GALNT17: variants seen among roughly 807,000 people sequenced by gnomAD.
GALNT17 encodes the protein polypeptide N-acetylgalactosaminyltransferase 17, also known as UDP-GalNAc:polypeptide N-acetylgalactosaminyltransferase-like 3.
Under a neutral mutation model 63.7 loss-of-function variants are expected in GALNT17, and 29 were observed. That is an observed-to-expected ratio of 0.46 (90% confidence interval 0.34 to 0.62). GALNT17 has a LOEUF of 0.62. Among genes scored for constraint, GALNT17 ranks in the 20% least tolerant of loss-of-function variants. GALNT17 has a pLI of 0.01. For synonymous variants in GALNT17, 305 were observed against 318.3 expected (o/e 0.96, Z 0.45); for missense variants, 603 against 799.6 (o/e 0.75, Z 2.97).
chr7:71,185,453 C>T (rs1788831740), intron 1 of GALNT17, among the ~76,000 whole-genome samples: 1 of 151,744 alleles, frequency 6.6e-6, no homozygotes, highest in African/African-American at 2.4e-5. Flanking sequence ...CTGCCTTGGC[C>T]TCCCAAAGTG....
chr7:71,321,037 G>T (rs953929762), intron 1 of GALNT17, among the ~76,000 whole-genome samples: 1 of 152,192 alleles, frequency 6.6e-6, no homozygotes, highest in African/African-American at 2.4e-5. Context: ...GTGGAGGAGA[G>T]AGAATTTTCT....
chr7:71,186,314 A>G (rs1788850270), intron 1 of GALNT17, among the ~76,000 whole-genome samples: 1 of 152,210 alleles, frequency 6.6e-6, no homozygotes, highest in African/African-American at 2.4e-5. Context: ...TTCAGAAGCT[A>G]GGAATCAGAT....
chr7:71,373,516 A>G (rs966775059), intron 2 of GALNT17, among the ~76,000 whole-genome samples: 2 of 152,066 alleles, frequency 1.3e-5, no homozygotes, highest in Admixed American at 1.3e-4. Context: ...GCCTGATAGG[A>G]ACTGGGCCGA....
In GALNT17 at chr7:71,194,419, G is replaced by A. The variant is rs141780641; in HGVS notation, c.238+61379G>A. Among the ~76,000 whole-genome samples the A allele has an allele frequency of 2.3e-3, 351 of 152,300 alleles. 3 individuals carry two copies. Among genetic ancestry groups the A allele is most frequent in the African/African-American group, 8.2e-3 (342 of 41,564 alleles). ...AGGGTATATGGGATCTTAAGAAAAG[G>A]GTAGGGGAGTTAGAGCATCATGGTC... On this transcript the variant is annotated intron_variant, in intron 1 of 10. Transcript: ENST00000333538.
chr7:71,701,483 T>G (rs936237353), intron 9 of GALNT17, among the ~76,000 whole-genome samples: 2 of 149,986 alleles, frequency 1.3e-5, no homozygotes, highest in African/African-American at 4.9e-5. Flanking sequence ...TGAGACTCTA[T>G]CTCAAAAAAG....
rs545276338 is a variant in GALNT17 at position 71,460,274 on chromosome 7, G to A, written c.962+39169G>A. Among the ~76,000 whole-genome samples, 15 of 152,188 alleles carry A rather than the reference G, an allele frequency of 9.9e-5. 1 individual carries two copies. The East Asian group carries it at 2.7e-3, about 27-fold the overall frequency. ...TGAAATAGACAAGGATGGCAGCATT[G>A]GACCATAGGAGTGGGAGGGAAAAGT... On this transcript the variant is annotated intron_variant, in intron 5 of 10. Transcript: ENST00000333538.
At chr7:71,226,195 T>G (rs1422732665) in intron 1 of GALNT17, among the ~76,000 whole-genome samples, 1 of 152,198 alleles carries the variant, frequency 6.6e-6, no homozygotes, top group Non-Finnish European at 1.5e-5. Flanking sequence ...AACTTCAATT[T>G]TGGAACAATG....
At position 71,139,411 on chromosome 7, in the gene GALNT17, T is replaced by C. The variant is rs114177186; in HGVS notation, c.238+6371T>C. On this transcript the variant is annotated intron_variant, in intron 1 of 10. Coordinates refer to ENST00000333538, the MANE Select transcript of GALNT17 (RefSeq NM_022479.3). The stretch of plus-strand genomic sequence containing the variant: ...AAGAAGAAATGCAATCGATTCAACT[T>C]AGTTACCAAATTTAGATTTCAGAAG... Among the ~76,000 whole-genome samples the C allele has an allele frequency of 6.0e-3, 912 of 152,276 alleles. 11 individuals carry two copies. Among genetic ancestry groups the C allele is most frequent in the African/African-American group, 0.021 (891 of 41,552 alleles).
At chr7:71,282,551 C>CCT (rs1428572601) in intron 1 of GALNT17, among the ~76,000 whole-genome samples, 3 of 152,174 alleles carry the variant, frequency 2.0e-5, no homozygotes, top group African/African-American at 7.2e-5. Flanking sequence ...CCTGTTTAGA[C>CCT]AACCAGTGTG....
chr7:71,372,042 G>T (rs1323403737), intron 2 of GALNT17, among the ~76,000 whole-genome samples: 2 of 152,190 alleles, frequency 1.3e-5, no homozygotes, highest in African/African-American at 4.8e-5. Context: ...GTGCAGTGGT[G>T]CCATCATAGC....
intron 5 of GALNT17, among the ~76,000 whole-genome samples, chr7:71,431,312 G>A: frequency 6.8e-6 from 1 of 147,540 alleles, no homozygotes; most frequent in East Asian, 2.0e-4. Flanking sequence ...CCGGGTTCAA[G>A]TGATTCTCCC....
chr7:71,375,887 G>C (rs563581924), intron 2 of GALNT17, among the ~76,000 whole-genome samples: 1 of 152,282 alleles, frequency 6.6e-6, no homozygotes, highest in African/African-American at 2.4e-5. Flanking sequence ...CGACCAGCCT[G>C]AACAACATGG....
chr7:71,652,298 G>A (rs893142534), intron 6 of GALNT17, among the ~76,000 whole-genome samples: 1 of 152,026 alleles, frequency 6.6e-6, no homozygotes, highest in Non-Finnish European at 1.5e-5. Context: ...GTCCATATTT[G>A]TCAATCCCAT....
chr7:71,646,257 A>G (rs1381318693), intron 6 of GALNT17, among the ~76,000 whole-genome samples: 6 of 152,208 alleles, frequency 3.9e-5, no homozygotes, highest in Non-Finnish European at 8.8e-5. Context: ...AATTTAATTG[A>G]TTTTATTTGC....
chr7:71,471,399 CAA>C lies in GALNT17; in HGVS notation c.962+50308_962+50309del, dbSNP rs35529889. 1.1e-3 allele frequency among the ~76,000 whole-genome samples: 98 copies of C among 89,592 alleles called. No individual in the cohort carries two copies. The South Asian group carries it at 0.027, about 25-fold the overall frequency. 58.8% of individuals were successfully genotyped at this position (89,592 alleles called of 152,430 possible). The stretch of plus-strand genomic sequence containing the variant: ...GGCTGAGCTCAGCATTTTTTTTTTC[CAA>C]AAAAAAAAAAAAACAAAAAAAACCA... On this transcript the variant is annotated intron_variant, in intron 5 of 10. Transcript: ENST00000333538.
intron 3 of GALNT17, among the ~76,000 whole-genome samples, chr7:71,404,781 G>C (rs941270731): frequency 1.3e-5 from 2 of 152,178 alleles, no homozygotes; most frequent in Non-Finnish European, 2.9e-5. Context: ...AGATTCCCTG[G>C]ATGCCCACTC....
chr7:71,305,321 G>A (rs1265579877), intron 1 of GALNT17, among the ~76,000 whole-genome samples: 1 of 152,132 alleles, frequency 6.6e-6, no homozygotes, highest in East Asian at 1.9e-4. Flanking sequence ...TCTTCAGTTA[G>A]CAGATTTTTA....
intron 9 of GALNT17, among the ~76,000 whole-genome samples, chr7:71,682,782 C>G (rs1458750147): frequency 6.6e-6 from 1 of 152,148 alleles, no homozygotes; most frequent in East Asian, 1.9e-4. Flanking sequence ...GAAGTCCTGA[C>G]CTCTGGAACT....
intron 1 of GALNT17, among the ~76,000 whole-genome samples, chr7:71,263,473 A>G (rs1325418224): frequency 6.6e-6 from 1 of 152,198 alleles, no homozygotes; most frequent in Non-Finnish European, 1.5e-5. Flanking sequence ...AGTCTGTGCA[A>G]TTTTGTTATG....
Sources: gnomAD v4.1 joint callset for allele counts (sites outside exome capture counted in the v4.1 genomes callset) on GRCh38, gnomAD v4.1.1 for gene constraint, MANE v1.5 for transcripts, NCBI Gene and HGNC (gene_info 2026-07-23, HGNC 2026-07-21) for gene names.